SLC35F5: variants seen among roughly 807,000 people sequenced by gnomAD.
SLC35F5 encodes the protein HCV NS5A-transactivated protein 3.
SLC35F5 carries 54 observed loss-of-function variants against 68.6 expected under a neutral mutation model. That is an observed-to-expected ratio of 0.79 (90% CI 0.63 to 0.99). The LOEUF is 0.99. SLC35F5 is among the 50% of genes least tolerant of loss of function. The pLI is 0.00. For missense variants in SLC35F5, 567 were observed against 626.9 expected (o/e 0.90, Z 1.02); for synonymous variants, 211 against 205.2 (o/e 1.03, Z -0.24).
At chr2:113,728,957 C>T (rs375639230) in intron 11 of SLC35F5, among the ~76,000 whole-genome samples, 2 of 152,124 alleles carry the variant, frequency 1.3e-5, no homozygotes, top group African/African-American at 2.4e-5. Context: ...TTAAATGGCC[C>T]ACAATTTTTA....
Position 113,736,168 on chromosome 2 carries a change from G to A in SLC35F5, c.751-310C>T, listed in dbSNP as rs181262606. 2.9e-3 allele frequency among the ~76,000 whole-genome samples: 434 copies of A among 151,522 alleles called. 2 individuals are homozygous for A. The highest frequency in any genetic ancestry group is 9.7e-3 in the African/African-American group (402 of 41,304). On this transcript the variant is annotated intron_variant, in intron 7 of 15. Transcript: ENST00000245680. ...TAAAAATTTGCTTTATCTAGGCTGCGCGTAGTGGCTCATGCCTGTAATCCC... is the reference window on the plus strand; with the variant it reads ...TAAAAATTTGCTTTATCTAGGCTGCACGTAGTGGCTCATGCCTGTAATCCC...
At chr2:113,755,775 A>G (rs1272755966) in intron 1 of SLC35F5, 1 of 1,387,236 alleles carries the variant, frequency 7.2e-7, no homozygotes, top group Non-Finnish European at 1.0e-6. Context: ...GGAGTAATAT[A>G]CAACATACGG....
At chr2:113,749,935 A>G (rs1676668522) in intron 4 of SLC35F5, among the ~76,000 whole-genome samples, 3 of 152,130 alleles carry the variant, frequency 2.0e-5, no homozygotes, top group South Asian at 2.1e-4. Context: ...TTCTTTCAAC[A>G]CTATGAATGA....
At chr2:113,720,929 A>G (rs1687405787) in intron 13 of SLC35F5, among the ~76,000 whole-genome samples, 1 of 152,192 alleles carries the variant, frequency 6.6e-6, no homozygotes, top group African/African-American at 2.4e-5. Context: ...CAACAAGCTA[A>G]GACAAAAGAA....
chr2:113,742,483 T>C (rs1047027764), intron 7 of SLC35F5: 34 of 590,662 alleles, frequency 5.8e-5, no homozygotes, highest in African/African-American at 5.4e-4. Context: ...TGAAGTGTTA[T>C]AGGACTTAAT....
At chr2:113,742,418 T>G (rs1039828722) in intron 7 of SLC35F5, 39 of 485,504 alleles carry the variant, frequency 8.0e-5, no homozygotes, top group Non-Finnish European at 1.5e-5. Flanking sequence ...TGCTAAATTC[T>G]GAAGAACTTC....
At chr2:113,756,295 G>C (rs1213945104) in intron 1 of SLC35F5, 75 bp downstream of exon 1, 16 of 1,547,452 alleles carry the variant, frequency 1.0e-5, no homozygotes, top group Non-Finnish European at 1.3e-5. Flanking sequence ...CCGAGGGCAG[G>C]AGGTGGTGCT....
chr2:113,714,105 G>A lies in SLC35F5; in HGVS notation c.*1113C>T, dbSNP rs1687090880. ...GCAGTTGCATAATAAGTACATGTAAGGCCTAAGTTTAAGAATTGCAATTAG... is the reference window on the plus strand; with the variant it reads ...GCAGTTGCATAATAAGTACATGTAAAGCCTAAGTTTAAGAATTGCAATTAG... On this transcript the variant is annotated 3_prime_UTR_variant, in exon 16 of 16. Transcript: ENST00000245680. The A allele has an allele frequency of 6.6e-6, 1 of 152,050 alleles. No homozygotes were observed. The highest frequency in any genetic ancestry group is 2.4e-5 in the African/African-American group (1 of 41,424). 9.4% of individuals were successfully genotyped at this position (152,050 alleles called of 1,614,324 possible).
chr2:113,721,331 T>C (rs987439648), intron 13 of SLC35F5: 1 of 152,358 alleles, frequency 6.6e-6, no homozygotes, highest in African/African-American at 2.4e-5. Flanking sequence ...GAACACCAAA[T>C]CTTTTCTTGA....
chr2:113,750,243 CTACT>C (rs1257415719), intron 4 of SLC35F5, among the ~76,000 whole-genome samples, 178 bp downstream of exon 4: 6 of 152,278 alleles, frequency 3.9e-5, no homozygotes, highest in African/African-American at 1.4e-4. Context: ...TATTCTGATA[CTACT>C]TAATTAGAAG....
intron 12 of SLC35F5, among the ~76,000 whole-genome samples, chr2:113,724,698 T>C (rs1687589503): frequency 6.6e-6 from 1 of 152,130 alleles, no homozygotes; most frequent in African/African-American, 2.4e-5. Flanking sequence ...TAGGTTTTAT[T>C]CATTCTATTC....
chr2:113,725,558 CAA>C (rs768514330), intron 11 of SLC35F5, 21 bp from the exon 12 acceptor site: 31 of 1,547,522 alleles, frequency 2.0e-5, no homozygotes, highest in Non-Finnish European at 4.3e-6. Flanking sequence ...ATAAAAGAGA[CAA>C]GAGTTAAAAT....
At chr2:113,744,611 C>T (rs974751444) in intron 5 of SLC35F5, among the ~76,000 whole-genome samples, 2 of 151,958 alleles carry the variant, frequency 1.3e-5, no homozygotes, top group African/African-American at 2.4e-5. Context: ...ATTAGCTGAG[C>T]GTGGTGGTGT....
rs997585358 is a variant in SLC35F5 at position 113,719,140 on chromosome 2, G to A, written c.1496+14C>T. 6.3e-7 allele frequency: 1 copy of A among 1,596,924 alleles called. No individual in the cohort carries two copies. Among genetic ancestry groups the A allele is most frequent in the Non-Finnish European group, 8.5e-7 (1 of 1,175,666 alleles). Reference sequence around the variant, plus strand: ...AACACTATTTTTAAAAATGTGTATTGGGACTAAACTTACCTCTGAATTCGA... The same window carrying A: ...AACACTATTTTTAAAAATGTGTATTAGGACTAAACTTACCTCTGAATTCGA... On this transcript the variant is annotated intron_variant, in intron 14 of 15. Coordinates refer to ENST00000245680, the MANE Select transcript of SLC35F5 (RefSeq NM_025181.5).
Position 113,738,009 on chromosome 2 carries a change from A to G in SLC35F5, c.751-2151T>C, listed in dbSNP as rs189562521. Among the ~76,000 whole-genome samples, 428 of 152,328 alleles carry G rather than the reference A, an allele frequency of 2.8e-3. 2 individuals carry two copies. The highest frequency in any genetic ancestry group is 9.6e-3 in the African/African-American group (401 of 41,584). On this transcript the variant is annotated intron_variant, in intron 7 of 15. Transcript: ENST00000245680. ...AAATAGTGTATGTTCAAGGTATATA[A>G]CATGATTTAATATACACATGACATT...
Position 113,755,271 on chromosome 2 carries a change from A to G in SLC35F5, c.167T>C (p.Met56Thr). 1 of 1,614,200 alleles carries G rather than the reference A, an allele frequency of 6.2e-7. No individual in the cohort carries two copies. Among genetic ancestry groups the G allele is most frequent in the South Asian group, 1.1e-5 (1 of 91,084 alleles). The change falls in exon 3 of 16, where the codon ATG becomes ACG. Residue 56 changes from methionine (M) to threonine (T), a missense_variant. By Grantham distance (81) the Met-to-Thr change is moderately conservative. Coordinates refer to ENST00000245680, the MANE Select transcript of SLC35F5 (RefSeq NM_025181.5). ...QMVCVFVMNR[M>T]NSQNSGFTQR... ...AGTGAAACCACTGTTCTGGGAATTC[A>G]TTCGGTTCATGACAAATACACACAC...
At position 113,712,554 on chromosome 2, in the gene SLC35F5, A is replaced by T. The variant is rs142457611; in HGVS notation, c.*2664T>A. On this transcript the variant is annotated 3_prime_UTR_variant, in exon 16 of 16. Coordinates refer to ENST00000245680, the MANE Select transcript of SLC35F5 (RefSeq NM_025181.5). ...ATGGTCTCGATCTCCTGACCTCGTG[A>T]TCCGCCCGCCTCGGCCTCCCAAAGT... Among the ~76,000 whole-genome samples, 515 of 152,226 alleles carry T rather than the reference A, an allele frequency of 3.4e-3. 9 individuals are homozygous for T. Among genetic ancestry groups the T allele is most frequent in the African/African-American group, 0.012 (495 of 41,536 alleles).
chr2:113,741,267 C>T (rs1029488952), intron 7 of SLC35F5, among the ~76,000 whole-genome samples: 8 of 151,596 alleles, frequency 5.3e-5, no homozygotes, highest in African/African-American at 1.7e-4. Flanking sequence ...TAGTGGTTGC[C>T]AGGGGCTGGG....
At chr2:113,727,904 C>T (rs987140747) in intron 11 of SLC35F5, among the ~76,000 whole-genome samples, 1 of 152,156 alleles carries the variant, frequency 6.6e-6, no homozygotes, top group African/African-American at 2.4e-5. Context: ...ACTGACCCAA[C>T]CACCTACCTA....
Sources: gnomAD v4.1 joint callset for allele counts (sites outside exome capture counted in the v4.1 genomes callset) on GRCh38, gnomAD v4.1.1 for gene constraint, MANE v1.5 for transcripts, NCBI Gene and HGNC (gene_info 2026-07-23, HGNC 2026-07-21) for gene names.